Variants in PREX1 observed in about 807,000 individuals in gnomAD.
The protein encoded by PREX1 is phosphatidylinositol 3,4,5-trisphosphate-dependent Rac exchanger 1 protein.
PREX1 carries 41 observed loss-of-function variants against 198.3 expected under a neutral mutation model. That is an observed-to-expected ratio of 0.21 (90% CI 0.16 to 0.27). The LOEUF (loss-of-function observed/expected upper bound fraction) is 0.27, where lower values mean the gene tolerates loss of function less well. Among genes scored for constraint, PREX1 ranks in the 10% least tolerant of loss-of-function variants. The pLI is 1.00. For synonymous variants in PREX1, 843 were observed against 887.2 expected, an observed-to-expected ratio of 0.95 and a Z score of 0.89; for missense variants, 1,620 against 2,200.7, an observed-to-expected ratio of 0.74 and a Z score of 5.28.
chr20:48,649,367 G>C lies in PREX1; in HGVS notation c.3238C>G (p.Leu1080Val). 6.8e-6 allele frequency: 11 copies of C among 1,614,184 alleles called. No homozygotes were observed. The highest frequency in any genetic ancestry group is 9.3e-6 in the Non-Finnish European group (11 of 1,180,018). The change falls in exon 25 of 40, where the codon CTG becomes GTG. Residue 1080 changes from leucine (L) to valine (V), a missense_variant. Leu to Val is a conservative substitution (Grantham distance 32, BLOSUM62 1). This residue lies in a region of PREX1 where 514 missense variants were observed against 611.6 expected (regional missense o/e 0.84). Coordinates refer to ENST00000371941, the MANE Select transcript of PREX1 (RefSeq NM_020820.4). ...ACATCCAGCTTGGTGAAGAGCTGCA[G>C]GTAGGCATCCTGGATCTCACGGTCC... ...QEDREIQDAYLQLFTKLDVAL... is the reference protein window; with the variant it reads ...QEDREIQDAYVQLFTKLDVAL...
chr20:48,650,339 T>C lies in PREX1; in HGVS notation c.2818-133A>G, dbSNP rs998091363. 8.0e-6 allele frequency: 7 copies of C among 876,334 alleles called. No homozygotes were observed. The African/African-American group carries it at 1.0e-4, about 13-fold the overall frequency. 54.3% of individuals were successfully genotyped at this position (876,334 alleles called of 1,614,324 possible). A position where few individuals can be genotyped will look rare whatever the true frequency, so the allele number is the denominator to read the frequency against. On this transcript the variant is annotated intron_variant, in intron 23 of 39. Coordinates refer to ENST00000371941, the MANE Select transcript of PREX1 (RefSeq NM_020820.4). ...TGGACAAAATGCCAGTAGCTCCAAA[T>C]GAGAAGGGGAACCCCTGGACTGTGT... is the stretch of plus-strand genomic sequence containing the variant.
At chr20:48,663,357 C>T (rs1412191210) in intron 15 of PREX1, among the ~76,000 whole-genome samples, 1 of 152,200 alleles carries the variant, frequency 6.6e-6, no homozygotes, top group Non-Finnish European at 1.5e-5. Context: ...GCAGGCCGAC[C>T]AGGGCTCAAC....
rs1418909756 is a variant in PREX1, at chr20:48,632,400, G to A, written c.4412-9C>T. The stretch of plus-strand genomic sequence containing the variant: ...CTCCACGTTCTCCAGCACTGGGAGG[G>A]GAGATGTCGGGGGCGGGCAGGCGGT... On this transcript the variant is annotated splice_polypyrimidine_tract_variant and intron_variant, in intron 34 of 39. Transcript: ENST00000371941. The A allele has an allele frequency of 6.2e-7, 1 of 1,613,590 alleles. No individual in the cohort carries two copies. The highest frequency in any genetic ancestry group is 8.5e-7 in the Non-Finnish European group (1 of 1,179,910).
At chr20:48,804,918 G>A (rs1379471786) in intron 1 of PREX1, among the ~76,000 whole-genome samples, 1 of 152,208 alleles carries the variant, frequency 6.6e-6, no homozygotes, top group East Asian at 1.9e-4. Flanking sequence ...CAGCAAGTTT[G>A]TGATGCCTGC....
chr20:48,722,356 G>A (rs1331551968), intron 5 of PREX1, among the ~76,000 whole-genome samples: 4 of 152,224 alleles, frequency 2.6e-5, no homozygotes, highest in South Asian at 2.1e-4. Flanking sequence ...AGCCAGGCAC[G>A]AAAGACCAGC....
At chr20:48,637,829 C>T (rs1320604324) in intron 30 of PREX1, 77 bp from the exon 31 acceptor site, 24 of 1,301,824 alleles carry the variant, frequency 1.8e-5, no homozygotes, top group Non-Finnish European at 2.4e-5. Flanking sequence ...CCGGGCCCCT[C>T]CCCATGGCAC....
At chr20:48,658,020 A>G (rs1453893467) in intron 17 of PREX1, 116 bp downstream of exon 17, 1 of 992,632 alleles carries the variant, frequency 1.0e-6, no homozygotes, top group East Asian at 2.4e-5. Context: ...ATGAGAGAAG[A>G]GGAGTCAGCG....
At chr20:48,883,967 C>T in the PREX1 span, among the ~76,000 whole-genome samples, 5 of 151,996 alleles carry the variant, frequency 3.3e-5, no homozygotes, top group South Asian at 6.2e-4. Flanking sequence ...GGTGAAACCC[C>T]GTCTCTACTA....
chr20:48,854,101 C>T, the PREX1 span, among the ~76,000 whole-genome samples: 1 of 152,232 alleles, frequency 6.6e-6, no homozygotes, highest in Non-Finnish European at 1.5e-5. Context: ...CTCTCACCAT[C>T]GGGTCCAGCT....
the PREX1 span, among the ~76,000 whole-genome samples, chr20:48,839,974 A>C: frequency 7.2e-5 from 11 of 152,036 alleles, no homozygotes; most frequent in Non-Finnish European, 1.2e-4. Flanking sequence ...TTGACCCTTT[A>C]TATGCTTTAA....
chr20:48,851,488 C>T, the PREX1 span, among the ~76,000 whole-genome samples: 164 of 152,110 alleles, frequency 1.1e-3, no homozygotes, highest in African/African-American at 3.4e-3. Flanking sequence ...GCATGGGTGA[C>T]GGAGCAAGAC....
chr20:48,694,390 T>C (rs1166335726), intron 7 of PREX1, among the ~76,000 whole-genome samples: 1 of 152,208 alleles, frequency 6.6e-6, no homozygotes, highest in Non-Finnish European at 1.5e-5. Context: ...ACGCCTACTA[T>C]GTGCCAGGCA....
At chr20:48,860,033 GA>G in the PREX1 span, among the ~76,000 whole-genome samples, 3 of 152,030 alleles carry the variant, frequency 2.0e-5, no homozygotes, top group South Asian at 2.1e-4. Flanking sequence ...ACAAAAAAAA[GA>G]AAAGAAAAGA....
At chr20:48,733,937 G>A (rs1480816166) in intron 4 of PREX1, among the ~76,000 whole-genome samples, 1 of 152,060 alleles carries the variant, frequency 6.6e-6, no homozygotes, top group Non-Finnish European at 1.5e-5. Flanking sequence ...ATTTTTAGTA[G>A]AGACAGGGTT....
chr20:48,673,029 TA>T (rs11478310), intron 14 of PREX1, among the ~76,000 whole-genome samples: 43,099 of 146,614 alleles, frequency 0.29, 8,484 homozygotes, highest in African/African-American at 0.57. Context: ...CAAAAATAAT[TA>T]AAAAAAAAAA....
rs144386235 is a variant in PREX1, at chr20:48,634,692, G to A, written c.4251C>T (p.Asp1417=). The A allele has an allele frequency of 1.5e-4, 238 of 1,614,118 alleles. No homozygotes were observed. Among genetic ancestry groups the A allele is most frequent in the Non-Finnish European group, 1.9e-4 (223 of 1,179,980 alleles). ...DNVTFSFKQL[D]ENYVANTNVF... is the part of the protein sequence containing the mutation. ...ATCACTCACTGGCCACATAGTTCTC[G>A]TCCAGCTGCTTAAAGGAGAAGGTGA... The change falls in exon 33 of 40, where the codon GAC becomes GAT. Residue 1417 remains aspartate (D), a synonymous_variant. Coordinates refer to ENST00000371941, the MANE Select transcript of PREX1 (RefSeq NM_020820.4).
intron 1 of PREX1, among the ~76,000 whole-genome samples, chr20:48,773,908 C>G (rs778796201): frequency 2.6e-5 from 4 of 152,128 alleles, no homozygotes; most frequent in Non-Finnish European, 4.4e-5. Flanking sequence ...TGCAATCGTC[C>G]AGGCGGGAGG....
chr20:48,662,307 A>G (rs1290547670), intron 15 of PREX1, among the ~76,000 whole-genome samples: 2 of 152,200 alleles, frequency 1.3e-5, no homozygotes, highest in African/African-American at 4.8e-5. Context: ...ATTGGCCAAA[A>G]TATTTGTGGA....
At chr20:48,821,952 G>C (rs988109709) in intron 1 of PREX1, 2 of 152,184 alleles carry the variant, frequency 1.3e-5, no homozygotes, top group Non-Finnish European at 2.9e-5. Context: ...CTTCTTATAA[G>C]GACAACGACC....
Sources: gnomAD v4.1 joint callset for allele counts (sites outside exome capture counted in the v4.1 genomes callset) on GRCh38, gnomAD v4.1.1 for gene constraint, gnomAD v4.1.1 regional missense constraint, MANE v1.5 for transcripts, NCBI Gene and HGNC (gene_info 2026-07-23, HGNC 2026-07-21) for gene names.